PARP12: variants seen among roughly 807,000 people sequenced by gnomAD.
PARP12 encodes poly(ADP-ribose) polymerase family member 12, also known as protein mono-ADP-ribosyltransferase PARP12.
Under a neutral mutation model 72.4 loss-of-function variants are expected in PARP12, and 59 were observed. The ratio of observed to expected loss-of-function variants is 0.81; its 90% CI spans 0.66 to 1.01. The LOEUF (loss-of-function observed/expected upper bound fraction) is 1.01, where lower values mean the gene tolerates loss of function less well. Ranked by LOEUF, PARP12 falls within the 50% of genes least tolerant of loss-of-function variation. The pLI is 0.00. For missense variants in PARP12, 851 were observed against 914.0 expected, an observed-to-expected ratio of 0.93 and a Z score of 0.89; for synonymous variants, 403 against 371.4, an observed-to-expected ratio of 1.09 and a Z score of -0.98.
intron 8 of PARP12, among the ~76,000 whole-genome samples, chr7:140,032,845 C>T (rs913148967): frequency 2.0e-5 from 3 of 152,088 alleles, no homozygotes; most frequent in Non-Finnish European, 2.9e-5. Context: ...ACAGTGGGAA[C>T]AGGGTAGAGA....
chr7:140,049,594 G>A (rs1816878952), intron 4 of PARP12, among the ~76,000 whole-genome samples: 1 of 152,186 alleles, frequency 6.6e-6, no homozygotes. Flanking sequence ...CCTGCAAACA[G>A]GCACATCCTG....
Position 140,054,682 on chromosome 7 carries a change from C to A in PARP12, c.842G>T (p.Arg281Leu). ...CTTACCTTGAAAGCTACAACTTTTC[C>A]GGATATGGTACAAACAGATCTGATC... is the stretch of plus-strand genomic sequence containing the variant. ...EGDQICLYHIRKSCSFQDKCH... is the reference protein window; with the variant it reads ...EGDQICLYHILKSCSFQDKCH... Residue 281 changes from arginine (R) to leucine (L), a missense_variant, in exon 4 of 12, where the codon CGG becomes CTG. Arg to Leu is a moderately radical substitution (Grantham distance 102, BLOSUM62 -2). Around this residue, in one of 3 missense-constraint regions of PARP12, gnomAD observed 492 missense variants for 489.3 expected, o/e 1.01. Coordinates refer to ENST00000263549, the MANE Select transcript of PARP12 (RefSeq NM_022750.4). 1 of 1,613,638 alleles carries A rather than the reference C, an allele frequency of 6.2e-7. No homozygotes were observed. The highest frequency in any genetic ancestry group is 8.5e-7 in the Non-Finnish European group (1 of 1,179,588).
chr7:140,057,416 G>T (rs1032080408), intron 2 of PARP12: 9 of 518,510 alleles, frequency 1.7e-5, no homozygotes, highest in Admixed American at 3.6e-5. Context: ...GACTAGAGCT[G>T]CTCCTTTCAC....
chr7:140,058,977 C>G (rs1392865857), intron 1 of PARP12, among the ~76,000 whole-genome samples: 1 of 152,012 alleles, frequency 6.6e-6, no homozygotes, highest in Non-Finnish European at 1.5e-5. Context: ...TGCCTGTAAT[C>G]CCAGCTACTC....
chr7:140,060,777 T>C (rs1164244561), intron 1 of PARP12, among the ~76,000 whole-genome samples: 2 of 152,114 alleles, frequency 1.3e-5, no homozygotes, highest in Non-Finnish European at 2.9e-5. Flanking sequence ...CCCTGAAGGC[T>C]GATTTCCCCA....
intron 8 of PARP12, among the ~76,000 whole-genome samples, chr7:140,031,951 G>C (rs1484981372): frequency 6.6e-6 from 1 of 151,880 alleles, no homozygotes; most frequent in Non-Finnish European, 1.5e-5. Context: ...AAAGTCAAAA[G>C]GCAAACAACA....
At chr7:140,061,888 G>C (rs1156381828) in intron 1 of PARP12, among the ~76,000 whole-genome samples, 1 of 151,466 alleles carries the variant, frequency 6.6e-6, no homozygotes, top group African/African-American at 2.4e-5. Context: ...TTAGGTTGAG[G>C]CCTGAAGGAT....
rs768256024 is a variant in PARP12 at position 140,041,833 on chromosome 7, C to G, written c.993G>C (p.Leu331=). The change falls in exon 6 of 12, where the codon CTG becomes CTC. Residue 331 remains leucine, a synonymous_variant. Transcript: ENST00000263549. ...GAAAGGTACTGGCTGACTCAGAGCACAGGATCCTACAGAAGAAAAACAGCA... is the reference window on the plus strand; with the variant it reads ...GAAAGGTACTGGCTGACTCAGAGCAGAGGATCCTACAGAAGAAAAACAGCA... The part of the protein sequence containing the change: ...AYCNPKIERI[L]CSESASTFHS... 1.2e-6 allele frequency: 2 copies of G among 1,610,198 alleles called. No homozygotes were observed. The highest frequency in any genetic ancestry group is 4.5e-5 in the East Asian group (2 of 44,830).
chr7:140,033,376 T>C, intron 8 of PARP12: 1 of 985,376 alleles, frequency 1.0e-6, no homozygotes, highest in Non-Finnish European at 1.2e-6. Flanking sequence ...AGAGACATTG[T>C]TGGTTCTCCA....
chr7:140,049,729 T>C (rs941246098), intron 4 of PARP12, among the ~76,000 whole-genome samples: 1 of 152,178 alleles, frequency 6.6e-6, no homozygotes, highest in African/African-American at 2.4e-5. Flanking sequence ...AGCTGAGCTA[T>C]AGACCACACT....
At chr7:140,061,841 G>A (rs1817458157) in intron 1 of PARP12, among the ~76,000 whole-genome samples, 1 of 152,024 alleles carries the variant, frequency 6.6e-6, no homozygotes, top group African/African-American at 2.4e-5. Context: ...GTGACCAAGA[G>A]TAAGGGGAGG....
At position 140,046,799 on chromosome 7, in the gene PARP12, A is replaced by AGTGTGTGTGT. The variant is rs3216987; in HGVS notation, c.986+75_986+84dup. 6.6e-3 allele frequency: 5,716 copies of AGTGTGTGTGT among 868,532 alleles called. 150 individuals are homozygous for AGTGTGTGTGT. Among genetic ancestry groups the AGTGTGTGTGT allele is most frequent in the African/African-American group, 0.049 (2,042 of 41,336 alleles). 53.8% of individuals were successfully genotyped at this position (868,532 alleles called of 1,614,324 possible). A position where few individuals can be genotyped will look rare whatever the true frequency, so the allele number is the denominator to read the frequency against. On this transcript the variant is annotated intron_variant, in intron 5 of 11. Coordinates refer to ENST00000263549, the MANE Select transcript of PARP12 (RefSeq NM_022750.4). ...GGCACCTCCAGACTAGGCTGCTCAC[A>AGTGTGTGTGT]GTGTGTGTGTGTGTGTGTGTGTGTG...
At position 140,027,182 on chromosome 7, in the gene PARP12, C is replaced by G. The variant is rs1406312286; in HGVS notation, c.1628+94G>C. ...GCACATGGCAGCCCTAACTGCCGCT[C>G]TGCTTTTCCTGGAAACCCGGGCCAC... On this transcript the variant is annotated intron_variant, in intron 10 of 11. Coordinates refer to ENST00000263549, the MANE Select transcript of PARP12 (RefSeq NM_022750.4). The G allele has an allele frequency of 4.6e-6, 7 of 1,521,168 alleles. No individual in the cohort carries two copies. In the Admixed American group the frequency reaches 7.4e-5, roughly 16 times the overall value. The allele number at this position is 1,521,168 out of a possible 1,614,324, so 94.2% of individuals were successfully genotyped here.
At position 140,034,221 on chromosome 7, in the gene PARP12, C is replaced by T. The variant is rs368973721; in HGVS notation, c.1421+14G>A. 21 of 1,610,274 alleles carry T rather than the reference C, an allele frequency of 1.3e-5. No individual in the cohort carries two copies. The Admixed American group carries it at 3.2e-4, about 24-fold the overall frequency. On this transcript the variant is annotated intron_variant, in intron 8 of 11. Coordinates refer to ENST00000263549, the MANE Select transcript of PARP12 (RefSeq NM_022750.4). The stretch of plus-strand genomic sequence containing the variant: ...GATTACATCCTAAGTACCAAGCCCC[C>T]CACTGCAACCTACCAGGTTTGCATG...
chr7:140,060,123 C>A (rs1477444475), intron 1 of PARP12, among the ~76,000 whole-genome samples: 1 of 152,186 alleles, frequency 6.6e-6, no homozygotes, highest in Non-Finnish European at 1.5e-5. Flanking sequence ...CAGTCCTCAA[C>A]CAGCCTGTGA....
chr7:140,032,493 A>G (rs185951169), intron 8 of PARP12, among the ~76,000 whole-genome samples: 1 of 152,286 alleles, frequency 6.6e-6, no homozygotes, highest in East Asian at 1.9e-4. Flanking sequence ...CCAAAATTTG[A>G]AACAGCACAT....
intron 1 of PARP12, among the ~76,000 whole-genome samples, chr7:140,061,442 A>C (rs551828642): frequency 6.6e-6 from 1 of 151,354 alleles, no homozygotes; most frequent in East Asian, 1.9e-4. Flanking sequence ...CTACTCTATT[A>C]AGACAAACAT....
intron 8 of PARP12, among the ~76,000 whole-genome samples, chr7:140,030,934 G>A (rs1815918946): frequency 6.6e-6 from 1 of 152,154 alleles, no homozygotes; most frequent in Non-Finnish European, 1.5e-5. Flanking sequence ...GGACAAAGTG[G>A]TAAAAATGTG....
intron 4 of PARP12, among the ~76,000 whole-genome samples, chr7:140,053,831 T>C (rs1817070500): frequency 6.6e-6 from 1 of 152,190 alleles, no homozygotes; most frequent in South Asian, 2.1e-4. Flanking sequence ...AAGATGCAGA[T>C]TGAATAATAA....
Sources: allele counts gnomAD v4.1 joint callset (sites outside exome capture counted in the v4.1 genomes callset), GRCh38; gene constraint gnomAD v4.1.1; regional missense constraint gnomAD v4.1.1; transcripts MANE v1.5; gene names NCBI Gene and HGNC (gene_info 2026-07-23, HGNC 2026-07-21).